Variants in CNTNAP2 observed in about 807,000 individuals in gnomAD.
CNTNAP2 encodes contactin-associated protein-like 2.
In CNTNAP2, 98 loss-of-function variants were observed where a neutral mutation model predicts 155.2. The observed-to-expected ratio is 0.63, with a 90% CI of 0.54 to 0.75. The LOEUF (loss-of-function observed/expected upper bound fraction) is 0.75, where lower values mean the gene tolerates loss of function less well. CNTNAP2 is among the 30% of genes least tolerant of loss of function. The probability of loss-of-function intolerance (pLI) is 0.00; values close to 1 mark genes in which losing one functional copy is unlikely to be tolerated. For synonymous variants in CNTNAP2, 651 were observed against 631.2 expected (o/e 1.03, Z -0.47); for missense variants, 1,727 against 1,688.1 (o/e 1.02, Z -0.40).
intron 1 of CNTNAP2, among the ~76,000 whole-genome samples, chr7:146,165,118 A>G (rs1798293100): frequency 6.6e-6 from 1 of 152,180 alleles, no homozygotes. Flanking sequence ...AGAAAAATCT[A>G]CTGTGATTTG....
At chr7:147,107,666 TA>T (rs200429494) in intron 4 of CNTNAP2, among the ~76,000 whole-genome samples, 1,691 of 151,976 alleles carry the variant, frequency 0.011, 21 homozygotes, top group African/African-American at 0.032. Flanking sequence ...AAAAACCATT[TA>T]AAAAAAAGAG....
chr7:147,170,313 C>T (rs1204574998), intron 8 of CNTNAP2, among the ~76,000 whole-genome samples: 1 of 152,008 alleles, frequency 6.6e-6, no homozygotes, highest in Non-Finnish European at 1.5e-5. Context: ...TGTATCCTCG[C>T]GTGTGCAGCT....
intron 1 of CNTNAP2, among the ~76,000 whole-genome samples, chr7:146,535,383 A>G (rs71530742): frequency 2.1e-5 from 1 of 48,536 alleles, no homozygotes; most frequent in South Asian, 5.9e-4. Flanking sequence ...TATATGATAT[A>G]ATATATGATA....
At chr7:147,148,545 C>G (rs186209583) in intron 8 of CNTNAP2, among the ~76,000 whole-genome samples, 1 of 152,154 alleles carries the variant, frequency 6.6e-6, no homozygotes, top group African/African-American at 2.4e-5. Context: ...TTTTTGGTCT[C>G]GCTGACTTCG....
chr7:147,683,426 C>CA (rs1357445418), intron 13 of CNTNAP2, among the ~76,000 whole-genome samples: 1 of 151,684 alleles, frequency 6.6e-6, no homozygotes, highest in Non-Finnish European at 1.5e-5. Flanking sequence ...GTTTTGTGGG[C>CA]ATTTATAGCA....
intron 10 of CNTNAP2, among the ~76,000 whole-genome samples, chr7:147,420,361 CATTAAA>C (rs1293038046): frequency 7.9e-5 from 12 of 152,032 alleles, no homozygotes; most frequent in African/African-American, 2.9e-4. Context: ...CAATTGGTGA[CATTAAA>C]GTTAATTATT....
At chr7:146,302,830 C>T (rs10251017) in intron 1 of CNTNAP2, among the ~76,000 whole-genome samples, 12,986 of 152,122 alleles carry the variant, frequency 0.085, 1,574 homozygotes, top group African/African-American at 0.27. Flanking sequence ...ACTTCTGTTA[C>T]TAGAAATTCA....
At chr7:147,137,082 C>T (rs142357563) in intron 8 of CNTNAP2, among the ~76,000 whole-genome samples, 1 of 151,560 alleles carries the variant, frequency 6.6e-6, no homozygotes, top group East Asian at 2.0e-4. Flanking sequence ...TTTTCTGATT[C>T]TAAGAAAATA....
Position 147,923,853 on chromosome 7 carries a change from C to T in CNTNAP2, c.2255+20132C>T, listed in dbSNP as rs182622814. On this transcript the variant is annotated intron_variant, in intron 14 of 23. Transcript: ENST00000361727. ...GCCTCCTAGAGCCTTCAGAAAAAAA[C>T]GTAGTCTGCAAACACCTTGATTTCA... 5.1e-3 allele frequency among the ~76,000 whole-genome samples: 771 copies of T among 152,154 alleles called. 3 individuals carry two copies. Among genetic ancestry groups the T allele is most frequent in the Non-Finnish European group, 8.1e-3 (554 of 67,994 alleles).
intron 1 of CNTNAP2, among the ~76,000 whole-genome samples, chr7:146,292,512 CTT>C (rs1035693332): frequency 1.3e-5 from 2 of 152,114 alleles, no homozygotes; most frequent in Non-Finnish European, 2.9e-5. Flanking sequence ...AAAAGGAACT[CTT>C]AACACACTGT....
intron 13 of CNTNAP2, among the ~76,000 whole-genome samples, chr7:147,875,356 G>T (rs1306021078): frequency 6.6e-6 from 1 of 152,148 alleles, no homozygotes; most frequent in Non-Finnish European, 1.5e-5. Flanking sequence ...AAGAGATTGT[G>T]TACAGGGGAA....
rs139391299 is a variant in CNTNAP2 at position 148,087,328 on chromosome 7, T to C, written c.2384-30790T>C. On this transcript the variant is annotated intron_variant, in intron 15 of 23. Transcript: ENST00000361727. Reference sequence around the variant, plus strand: ...TATAGCGACTATATAGTAAGGAATATAAATTTGTTTTCATAGGAAATAAAA... The same window carrying C: ...TATAGCGACTATATAGTAAGGAATACAAATTTGTTTTCATAGGAAATAAAA... Among the ~76,000 whole-genome samples the C allele has an allele frequency of 1.7e-3, 253 of 152,330 alleles. 1 individual carries two copies. Among genetic ancestry groups the C allele is most frequent in the African/African-American group, 5.8e-3 (242 of 41,584 alleles).
chr7:147,712,887 G>A (rs921017029), intron 13 of CNTNAP2, among the ~76,000 whole-genome samples: 5 of 151,760 alleles, frequency 3.3e-5, no homozygotes, highest in South Asian at 4.1e-4. Context: ...AAAACTTAAA[G>A]TATAATAATA....
At chr7:148,365,182 G>T (rs905205907) in intron 21 of CNTNAP2, among the ~76,000 whole-genome samples, 1 of 152,088 alleles carries the variant, frequency 6.6e-6, no homozygotes, top group African/African-American at 2.4e-5. Flanking sequence ...GCTACCTAGA[G>T]TAGCATCTCC....
At chr7:148,169,292 C>T (rs917570235) in intron 17 of CNTNAP2, among the ~76,000 whole-genome samples, 7 of 152,166 alleles carry the variant, frequency 4.6e-5, no homozygotes, top group African/African-American at 1.7e-4. Context: ...TACAAAAAGG[C>T]ACTGACCAAT....
At chr7:147,975,312 G>A (rs537012921) in intron 14 of CNTNAP2, among the ~76,000 whole-genome samples, 2 of 152,104 alleles carry the variant, frequency 1.3e-5, no homozygotes, top group African/African-American at 4.8e-5. Flanking sequence ...TGTACTGATT[G>A]GGAAGGGCAT....
chr7:148,220,101 A>G (rs1795717103), intron 19 of CNTNAP2, among the ~76,000 whole-genome samples: 2 of 152,206 alleles, frequency 1.3e-5, no homozygotes, highest in Non-Finnish European at 2.9e-5. Context: ...TGTTCATCAT[A>G]ATGTTTCGTT....
intron 8 of CNTNAP2, among the ~76,000 whole-genome samples, chr7:147,178,484 T>G (rs1369744081): frequency 1.3e-5 from 2 of 152,212 alleles, no homozygotes; most frequent in Non-Finnish European, 2.9e-5. Context: ...GACCTACAAA[T>G]GTGCAAGATA....
intron 1 of CNTNAP2, among the ~76,000 whole-genome samples, chr7:146,622,830 A>G (rs1320663919): frequency 1.3e-5 from 2 of 151,722 alleles, no homozygotes; most frequent in African/African-American, 4.8e-5. Flanking sequence ...GGTGGCCTGT[A>G]CCTGTAGTCC....
Sources: gnomAD v4.1 joint callset for allele counts (sites outside exome capture counted in the v4.1 genomes callset) on GRCh38, gnomAD v4.1.1 for gene constraint, MANE v1.5 for transcripts, NCBI Gene and HGNC (gene_info 2026-07-23, HGNC 2026-07-21) for gene names.